Variants in ZBTB20 observed in about 807,000 individuals in gnomAD.
The protein encoded by ZBTB20 is zinc finger and BTB domain-containing protein 20.
In ZBTB20, 9 loss-of-function variants were observed where a neutral mutation model predicts 56.9. That is an observed-to-expected ratio of 0.16 (90% CI 0.10 to 0.28). ZBTB20 has a LOEUF of 0.28. Ranked by LOEUF, ZBTB20 falls within the 10% of genes least tolerant of loss-of-function variation. The probability of loss-of-function intolerance (pLI) is 1.00; values close to 1 mark genes in which losing one functional copy is unlikely to be tolerated. For synonymous variants in ZBTB20, 417 were observed against 420.7 expected (o/e 0.99, Z 0.11); for missense variants, 655 against 1,003.0 (o/e 0.65, Z 4.69).
intron 7 of ZBTB20, among the ~76,000 whole-genome samples, chr3:114,459,406 A>G (rs574816744): frequency 1.3e-5 from 2 of 152,312 alleles, no homozygotes; most frequent in East Asian, 3.9e-4. Flanking sequence ...CAATAAATAT[A>G]TAAAACAGCC....
intron 7 of ZBTB20, among the ~76,000 whole-genome samples, chr3:114,460,090 C>T (rs1323346455): frequency 6.6e-6 from 1 of 152,068 alleles, no homozygotes; most frequent in Non-Finnish European, 1.5e-5. Flanking sequence ...AGTGCTGGAA[C>T]CCAGTCTGTC....
chr3:114,647,939 A>G (rs868111210), intron 6 of ZBTB20, among the ~76,000 whole-genome samples: 1 of 152,198 alleles, frequency 6.6e-6, no homozygotes, highest in Non-Finnish European at 1.5e-5. Flanking sequence ...CTGTCATTGG[A>G]AAATAACTAA....
chr3:114,542,805 G>T lies in ZBTB20; in HGVS notation c.-294-42414C>A, dbSNP rs114756649. On this transcript the variant is annotated intron_variant, in intron 6 of 11. Transcript: ENST00000675478. ...AACATAGTCAAATTCCTTTCCAAAG[G>T]TTTAAATACCTATTCTTTAATAGCT... Among the ~76,000 whole-genome samples the T allele has an allele frequency of 1.5e-3, 232 of 152,176 alleles. 1 individual carries two copies. The highest frequency in any genetic ancestry group is 5.4e-3 in the African/African-American group (225 of 41,510).
chr3:114,765,848 T>G (rs971140898), intron 5 of ZBTB20, among the ~76,000 whole-genome samples: 1 of 152,204 alleles, frequency 6.6e-6, no homozygotes, highest in East Asian at 1.9e-4. Context: ...CATATGGTTT[T>G]CAATTTTTCC....
chr3:114,863,331 C>A (rs990333657), intron 4 of ZBTB20, among the ~76,000 whole-genome samples: 1 of 152,068 alleles, frequency 6.6e-6, no homozygotes, highest in African/African-American at 2.4e-5. Context: ...ATTGCCAGTT[C>A]TTAACTTGTT....
chr3:114,824,529 G>A (rs915384975), intron 4 of ZBTB20, among the ~76,000 whole-genome samples: 3 of 151,866 alleles, frequency 2.0e-5, no homozygotes, highest in Non-Finnish European at 2.9e-5. Flanking sequence ...AAATTTTGGT[G>A]ACAACTTGTT....
At chr3:114,941,183 T>C (rs975623734) in intron 3 of ZBTB20, among the ~76,000 whole-genome samples, 3 of 146,288 alleles carry the variant, frequency 2.1e-5, no homozygotes, top group Admixed American at 6.6e-5. Flanking sequence ...GCACTAATAA[T>C]GATGGGGATA....
intron 5 of ZBTB20, among the ~76,000 whole-genome samples, chr3:114,769,592 T>TATAA (rs2069046969): frequency 9.9e-6 from 1 of 100,620 alleles, no homozygotes; most frequent in Admixed American, 1.2e-4. Context: ...TATATATATA[T>TATAA]ATATAATGGA....
intron 5 of ZBTB20, among the ~76,000 whole-genome samples, chr3:114,720,982 T>C (rs1260718849): frequency 6.6e-6 from 1 of 152,050 alleles, no homozygotes; most frequent in East Asian, 1.9e-4. Context: ...TTGAAAAACA[T>C]GTAAGATTTG....
chr3:115,107,341 G>T (rs925286921), intron 1 of ZBTB20, among the ~76,000 whole-genome samples: 1 of 151,758 alleles, frequency 6.6e-6, no homozygotes, highest in African/African-American at 2.4e-5. Flanking sequence ...GATTTCTTGA[G>T]CCCAGGAGGT....
chr3:114,609,043 C>T (rs1012787699), intron 6 of ZBTB20, among the ~76,000 whole-genome samples: 2 of 152,154 alleles, frequency 1.3e-5, no homozygotes, highest in Admixed American at 6.5e-5. Flanking sequence ...CCTTTCACAT[C>T]GCCTCATCTC....
intron 6 of ZBTB20, among the ~76,000 whole-genome samples, chr3:114,602,616 ATGTGCCTGTTTTGCTCAC>A (rs1211237717): frequency 3.9e-5 from 6 of 152,090 alleles, no homozygotes; most frequent in African/African-American, 1.4e-4. Flanking sequence ...GATTATTTGA[ATGTGCCTGTTTTGCTCAC>A]TGTTGTATCT....
At chr3:114,931,192 A>C (rs2076347567) in intron 3 of ZBTB20, 1 of 200,166 alleles carries the variant, frequency 5.0e-6, no homozygotes, top group Non-Finnish European at 1.1e-5. Flanking sequence ...TAGGCCAGTG[A>C]GGCAGGATAT....
intron 2 of ZBTB20, among the ~76,000 whole-genome samples, chr3:115,068,912 A>C (rs952777706): frequency 6.6e-6 from 1 of 151,988 alleles, no homozygotes; most frequent in African/African-American, 2.4e-5. Context: ...TTGATAGTGC[A>C]TTCATTCTTA....
chr3:114,615,719 C>T (rs994750364), intron 6 of ZBTB20, among the ~76,000 whole-genome samples: 2 of 152,156 alleles, frequency 1.3e-5, no homozygotes, highest in Admixed American at 6.5e-5. Context: ...AACAGCTTAT[C>T]GCCTCAGCCT....
chr3:114,518,003 C>A (rs1241721261), intron 6 of ZBTB20, among the ~76,000 whole-genome samples: 1 of 152,144 alleles, frequency 6.6e-6, no homozygotes, highest in Non-Finnish European at 1.5e-5. Flanking sequence ...ATTTGAACAA[C>A]AAATCTCACA....
chr3:114,437,197 C>A (rs2090574493), intron 7 of ZBTB20, among the ~76,000 whole-genome samples: 1 of 152,060 alleles, frequency 6.6e-6, no homozygotes, highest in Non-Finnish European at 1.5e-5. Context: ...TGAAAAGAAC[C>A]CAGTCTCTAT....
At chr3:114,534,455 T>G (rs938658398) in intron 6 of ZBTB20, among the ~76,000 whole-genome samples, 1 of 152,192 alleles carries the variant, frequency 6.6e-6, no homozygotes, top group African/African-American at 2.4e-5. Flanking sequence ...TAAATATACA[T>G]GCACCTAATA....
In ZBTB20 at chr3:115,080,446, C is replaced by T. The variant is rs560786928; in HGVS notation, c.-702-9032G>A. On this transcript the variant is annotated intron_variant, in intron 1 of 11. Coordinates refer to ENST00000675478, the MANE Select transcript of ZBTB20 (RefSeq NM_001348800.3). Reference sequence around the variant, plus strand: ...AATAGGAGACTATAAAGTTAACATACAAAAATCAACAGCCTTCCTACACAG... The same window carrying T: ...AATAGGAGACTATAAAGTTAACATATAAAAATCAACAGCCTTCCTACACAG... Among the ~76,000 whole-genome samples, 11 of 152,160 alleles carry T rather than the reference C, an allele frequency of 7.2e-5. No homozygotes were observed. The East Asian group carries it at 2.1e-3, about 29-fold the overall frequency.
Sources: allele counts gnomAD v4.1 joint callset (sites outside exome capture counted in the v4.1 genomes callset), GRCh38; gene constraint gnomAD v4.1.1; transcripts MANE v1.5; gene names NCBI Gene and HGNC (gene_info 2026-07-23, HGNC 2026-07-21).